HOMER2: variants seen among roughly 807,000 people sequenced by gnomAD.
HOMER2 encodes the protein homer scaffold protein 2.
In HOMER2, 27 loss-of-function variants were observed where a neutral mutation model predicts 47.0. The ratio of observed to expected loss-of-function variants is 0.57; its 90% CI spans 0.42 to 0.79. HOMER2 has a LOEUF of 0.79. Among genes scored for constraint, HOMER2 ranks in the 30% least tolerant of loss-of-function variants. The pLI is 0.00. For synonymous variants in HOMER2, 161 were observed against 163.8 expected (o/e 0.98, Z 0.13); for missense variants, 443 against 435.0 (o/e 1.02, Z -0.16).
chr15:82,892,865 G>C, intron 1 of HOMER2, 24 bp from the exon 2 acceptor site: 3 of 1,485,496 alleles, frequency 2.0e-6, no homozygotes, highest in Non-Finnish European at 2.7e-6. Context: ...GTGGGCGTGT[G>C]AGTTGAGAGA....
chr15:82,971,330 T>C (rs942052939), intron 1 of HOMER2, among the ~76,000 whole-genome samples: 1 of 151,958 alleles, frequency 6.6e-6, no homozygotes, highest in African/African-American at 2.4e-5. Flanking sequence ...TTTCTAACAT[T>C]GGTGATTCCT....
chr15:82,870,553 T>C (rs1187801205), intron 3 of HOMER2, among the ~76,000 whole-genome samples: 1 of 152,230 alleles, frequency 6.6e-6, no homozygotes, highest in African/African-American at 2.4e-5. Flanking sequence ...TCAGGACTTC[T>C]TCACATGAGA....
chr15:82,896,736 G>A (rs1338791725), intron 1 of HOMER2, among the ~76,000 whole-genome samples: 2 of 152,180 alleles, frequency 1.3e-5, no homozygotes, highest in Non-Finnish European at 2.9e-5. Context: ...GGATTGCACG[G>A]CCAGTCTGGC....
chr15:82,869,450 C>CTTTTTTTTTTTTTTT (rs71822678), intron 3 of HOMER2, among the ~76,000 whole-genome samples: 1 of 70,240 alleles, frequency 1.4e-5, no homozygotes, highest in Non-Finnish European at 2.5e-5. Flanking sequence ...TACTAAACAT[C>CTTTTTTTTTTTTTTT]TTTTTTTTTT....
chr15:82,909,863 G>A (rs538761938), intron 1 of HOMER2, among the ~76,000 whole-genome samples: 39 of 152,146 alleles, frequency 2.6e-4, no homozygotes, highest in East Asian at 1.4e-3. Flanking sequence ...AGCTGGGTGC[G>A]GTGGCTCATG....
At chr15:82,893,179 T>C (rs935699443) in intron 1 of HOMER2, among the ~76,000 whole-genome samples, 3 of 152,198 alleles carry the variant, frequency 2.0e-5, no homozygotes, top group African/African-American at 7.2e-5. Flanking sequence ...TTTAGGATTT[T>C]GGAACCAATT....
intron 1 of HOMER2, among the ~76,000 whole-genome samples, chr15:82,941,442 C>CAA (rs10602958): frequency 1.3e-3 from 94 of 74,388 alleles, no homozygotes; most frequent in Non-Finnish European, 1.9e-3. Context: ...GAGTCTGTCT[C>CAA]AAAAAAAAAA....
chr15:82,947,979 G>A (rs1232258512), intron 1 of HOMER2, among the ~76,000 whole-genome samples: 1 of 152,220 alleles, frequency 6.6e-6, no homozygotes, highest in African/African-American at 2.4e-5. Context: ...AGGAAACAAA[G>A]GTAGGGCTGG....
Position 82,933,853 on chromosome 15 carries a change from C to T in HOMER2, c.5+18678G>A, listed in dbSNP as rs769459102. Among the ~76,000 whole-genome samples, 7 of 152,258 alleles carry T rather than the reference C, an allele frequency of 4.6e-5. No homozygotes were observed. The East Asian group carries it at 5.8e-4, about 13-fold the overall frequency. ...CTCTCTCACACTCACGAAAGACCCG[C>T]CCCACTCCCCATGCCCAAGACATGA... On this transcript the variant is annotated intron_variant, in intron 1 of 8. Transcript: ENST00000450735.
intron 3 of HOMER2, among the ~76,000 whole-genome samples, chr15:82,864,594 C>A (rs921698455): frequency 5.9e-5 from 9 of 152,116 alleles, no homozygotes; most frequent in African/African-American, 2.2e-4. Flanking sequence ...TCCAAAACCT[C>A]TTAGTGTCAT....
chr15:82,954,541 G>A (rs2054567944), upstream of HOMER2, among the ~76,000 whole-genome samples: 1 of 149,186 alleles, frequency 6.7e-6, no homozygotes, highest in Non-Finnish European at 1.5e-5. Context: ...CACCCGCCTC[G>A]GCCTCCCAAA....
chr15:82,909,139 A>C (rs1449382567), intron 1 of HOMER2, among the ~76,000 whole-genome samples: 1 of 152,188 alleles, frequency 6.6e-6, no homozygotes, highest in African/African-American at 2.4e-5. Flanking sequence ...AACTCAAAGA[A>C]GTTCAAGATC....
At chr15:82,946,392 T>G (rs1038813927) in intron 1 of HOMER2, among the ~76,000 whole-genome samples, 1 of 152,222 alleles carries the variant, frequency 6.6e-6, no homozygotes, top group African/African-American at 2.4e-5. Flanking sequence ...CCCTGACCTC[T>G]TCACCTTCGT....
chr15:82,983,628 G>A (rs181568940), intron 1 of HOMER2, among the ~76,000 whole-genome samples: 107 of 150,480 alleles, frequency 7.1e-4, no homozygotes, highest in Non-Finnish European at 1.3e-3. Context: ...TCACTCTGTC[G>A]CCCAGGCTGG....
intron 1 of HOMER2, among the ~76,000 whole-genome samples, chr15:82,909,474 T>G (rs1036315022): frequency 2.6e-5 from 4 of 152,060 alleles, no homozygotes; most frequent in Non-Finnish European, 5.9e-5. Context: ...TGAGTAGTTT[T>G]GGCGGGAGGG....
At chr15:82,872,586 G>C (rs568799321) in intron 3 of HOMER2, among the ~76,000 whole-genome samples, 1 of 152,256 alleles carries the variant, frequency 6.6e-6, no homozygotes, top group South Asian at 2.1e-4. Context: ...GACCAATAAA[G>C]CCTTCCACGA....
At chr15:82,850,695 G>A (rs531955931) in intron 8 of HOMER2, among the ~76,000 whole-genome samples, 128 of 152,334 alleles carry the variant, frequency 8.4e-4, no homozygotes, top group African/African-American at 3.0e-3. Context: ...GACCTGCAGG[G>A]AAGAGGCGCT....
At chr15:82,941,030 T>G (rs1285221133) in intron 1 of HOMER2, among the ~76,000 whole-genome samples, 1 of 152,226 alleles carries the variant, frequency 6.6e-6, no homozygotes, top group Non-Finnish European at 1.5e-5. Flanking sequence ...GTTTACATTA[T>G]ATAAATCTGC....
At chr15:82,870,409 T>C (rs2052138930) in intron 3 of HOMER2, among the ~76,000 whole-genome samples, 2 of 152,002 alleles carry the variant, frequency 1.3e-5, no homozygotes, top group South Asian at 4.2e-4. Flanking sequence ...AGAATGCAGG[T>C]GTGATGGGTA....
Sources: allele counts gnomAD v4.1 joint callset (sites outside exome capture counted in the v4.1 genomes callset), GRCh38; gene constraint gnomAD v4.1.1; transcripts MANE v1.5; gene names NCBI Gene and HGNC (gene_info 2026-07-23, HGNC 2026-07-21).